Variants in DSCAM observed in about 807,000 individuals in gnomAD.
The protein encoded by DSCAM is cell adhesion molecule DSCAM.
In DSCAM, 47 loss-of-function variants were observed where a neutral mutation model predicts 217.7. That is an observed-to-expected ratio of 0.22 (90% confidence interval 0.17 to 0.28). The LOEUF is 0.28. DSCAM is among the 10% of genes least tolerant of loss of function. The pLI is 1.00. For synonymous variants in DSCAM, 1,056 were observed against 1,015.3 expected, an observed-to-expected ratio of 1.04 and a Z score of -0.76; for missense variants, 2,080 against 2,618.3, an observed-to-expected ratio of 0.79 and a Z score of 4.49.
chr21:40,563,043 G>A (rs1293329374), intron 3 of DSCAM, among the ~76,000 whole-genome samples: 1 of 152,164 alleles, frequency 6.6e-6, no homozygotes, highest in Non-Finnish European at 1.5e-5. Flanking sequence ...CGGATTTGCT[G>A]AAGCAGGGTG....
chr21:40,114,433 A>C (rs2089941365), intron 20 of DSCAM, among the ~76,000 whole-genome samples: 1 of 151,258 alleles, frequency 6.6e-6, no homozygotes, highest in Non-Finnish European at 1.5e-5. Flanking sequence ...TAAAGACTTA[A>C]ATGTTAGATC....
At chr21:40,763,765 G>C (rs1367515528) in intron 1 of DSCAM, among the ~76,000 whole-genome samples, 1 of 152,100 alleles carries the variant, frequency 6.6e-6, no homozygotes, top group African/African-American at 2.4e-5. Flanking sequence ...CAATGGAACA[G>C]AACAGAGGCC....
rs115439185 is a variant in DSCAM, at chr21:40,718,550, G to A, written c.44-9779C>T. Among the ~76,000 whole-genome samples the A allele has an allele frequency of 3.2e-3, 481 of 152,224 alleles. 2 individuals are homozygous for A. Among genetic ancestry groups the A allele is most frequent in the African/African-American group, 0.011 (442 of 41,532 alleles). ...AAACTTCTAACAACCGTCAGATCTCGTGAGACTTACTATCATGAGAACAGC... is the reference window on the plus strand; with the variant it reads ...AAACTTCTAACAACCGTCAGATCTCATGAGACTTACTATCATGAGAACAGC... On this transcript the variant is annotated intron_variant, in intron 1 of 32. Coordinates refer to ENST00000400454, the MANE Select transcript of DSCAM (RefSeq NM_001389.5).
At chr21:40,176,541 C>G (rs1322221303) in intron 15 of DSCAM, among the ~76,000 whole-genome samples, 2 of 152,168 alleles carry the variant, frequency 1.3e-5, no homozygotes, top group African/African-American at 2.4e-5. Flanking sequence ...AATGAGGATG[C>G]CTTTGGCCAG....
chr21:40,487,256 CCT>C (rs59987844), intron 3 of DSCAM, among the ~76,000 whole-genome samples: 203 of 142,846 alleles, frequency 1.4e-3, no homozygotes, highest in East Asian at 9.8e-3. Context: ...TCTTTCTCTC[CCT>C]CTCTCTCTCT....
chr21:40,640,704 C>T (rs779865191), intron 3 of DSCAM, among the ~76,000 whole-genome samples: 16 of 152,098 alleles, frequency 1.1e-4, no homozygotes, highest in Non-Finnish European at 2.1e-4. Context: ...AGACACATGC[C>T]ATCTGCATAG....
chr21:40,838,011 GCTAA>G (rs1975001468), intron 1 of DSCAM, among the ~76,000 whole-genome samples: 2 of 152,176 alleles, frequency 1.3e-5, no homozygotes, highest in African/African-American at 4.8e-5. Context: ...CCACAGCGGG[GCTAA>G]CTGTGAAAAG....
chr21:40,840,903 T>A (rs2092096056), intron 1 of DSCAM, among the ~76,000 whole-genome samples: 1 of 152,180 alleles, frequency 6.6e-6, no homozygotes, highest in Non-Finnish European at 1.5e-5. Flanking sequence ...GCTCTGCCTA[T>A]CACTTTTTCC....
At chr21:40,495,290 C>T (rs945592926) in intron 3 of DSCAM, among the ~76,000 whole-genome samples, 1 of 152,042 alleles carries the variant, frequency 6.6e-6, no homozygotes, top group Non-Finnish European at 1.5e-5. Context: ...ATTGCAGGCC[C>T]GTATCCTAGC....
chr21:40,325,427 T>C lies in DSCAM; in HGVS notation c.1783+12674A>G, dbSNP rs1204627067. ...AGCAAAAATAGAGACATAGAACAAA[T>C]ACAGAAAAAAATAGGAATGCATCTT... is the stretch of plus-strand genomic sequence containing the variant. On this transcript the variant is annotated intron_variant, in intron 8 of 32. Transcript: ENST00000400454. 2.6e-5 allele frequency among the ~76,000 whole-genome samples: 4 copies of C among 151,946 alleles called. No individual in the cohort carries two copies. In the East Asian group the frequency reaches 7.7e-4, roughly 29 times the overall value.
intron 19 of DSCAM, among the ~76,000 whole-genome samples, chr21:40,131,970 G>T (rs2090158588): frequency 6.6e-6 from 1 of 152,188 alleles, no homozygotes; most frequent in Non-Finnish European, 1.5e-5. Flanking sequence ...ATCTAAAATT[G>T]TGAGTTAATA....
At chr21:40,202,701 A>G (rs1476542745) in intron 11 of DSCAM, among the ~76,000 whole-genome samples, 4 of 152,256 alleles carry the variant, frequency 2.6e-5, no homozygotes, top group Non-Finnish European at 5.9e-5. Flanking sequence ...TCTCCACCAT[A>G]TTTCTGATTC....
intron 3 of DSCAM, among the ~76,000 whole-genome samples, chr21:40,572,389 AAAG>A (rs1258888873): frequency 3.3e-5 from 5 of 152,192 alleles, no homozygotes; most frequent in Admixed American, 6.5e-5. Flanking sequence ...AGGAAATAAG[AAAG>A]AGAAACAAAT....
intron 10 of DSCAM, among the ~76,000 whole-genome samples, chr21:40,291,447 TG>T (rs1273170751): frequency 6.6e-6 from 1 of 152,188 alleles, no homozygotes; most frequent in Non-Finnish European, 1.5e-5. Context: ...ACTCCCCACT[TG>T]GGCAGAGCCA....
intron 11 of DSCAM, among the ~76,000 whole-genome samples, chr21:40,241,189 G>A (rs1205719213): frequency 6.6e-6 from 1 of 152,090 alleles, no homozygotes; most frequent in Non-Finnish European, 1.5e-5. Context: ...ACTATCAACA[G>A]AGTAAAGAGA....
At chr21:40,559,070 C>T (rs1037991017) in intron 3 of DSCAM, among the ~76,000 whole-genome samples, 1 of 152,276 alleles carries the variant, frequency 6.6e-6, no homozygotes, top group Non-Finnish European at 1.5e-5. Context: ...GAAGTGGAAA[C>T]TCTTAAAATG....
intron 3 of DSCAM, among the ~76,000 whole-genome samples, chr21:40,445,378 G>A (rs1486400500): frequency 6.6e-6 from 1 of 152,206 alleles, no homozygotes; most frequent in African/African-American, 2.4e-5. Flanking sequence ...GGAGACTGGT[G>A]ACTTAAGTGA....
chr21:40,412,099 T>C (rs73359140), intron 3 of DSCAM, among the ~76,000 whole-genome samples: 1 of 152,212 alleles, frequency 6.6e-6, no homozygotes, highest in Non-Finnish European at 1.5e-5. Flanking sequence ...TGTGACTTGC[T>C]CTTCCTTGCC....
At chr21:40,327,179 G>A (rs1461851744) in intron 8 of DSCAM, among the ~76,000 whole-genome samples, 2 of 152,048 alleles carry the variant, frequency 1.3e-5, no homozygotes, top group African/African-American at 2.4e-5. Flanking sequence ...TTTCCCTGTG[G>A]TGTGTGCACA....
Sources: gnomAD v4.1 joint callset for allele counts (sites outside exome capture counted in the v4.1 genomes callset) on GRCh38, gnomAD v4.1.1 for gene constraint, MANE v1.5 for transcripts, NCBI Gene and HGNC (gene_info 2026-07-23, HGNC 2026-07-21) for gene names.